ABTB2: variants seen among roughly 807,000 people sequenced by gnomAD.
ABTB2 encodes the protein ankyrin repeat and BTB/POZ domain-containing protein 2.
A neutral mutation model predicts 104.1 loss-of-function variants in ABTB2; 56 were observed. That is an observed-to-expected ratio of 0.54 (90% CI 0.43 to 0.67). The LOEUF (loss-of-function observed/expected upper bound fraction) is 0.67. ABTB2 is among the 30% of genes least tolerant of loss of function. The pLI is 0.00. For synonymous variants in ABTB2, 606 were observed against 608.2 expected (o/e 1.00, Z 0.05); for missense variants, 1,279 against 1,407.7 (o/e 0.91, Z 1.46).
chr11:34,277,624 A>AG (rs1854398325), intron 1 of ABTB2, among the ~76,000 whole-genome samples: 1 of 226 alleles, frequency 4.4e-3, no homozygotes, highest in African/African-American at 0.025. Context: ...CTCTACAAAA[A>AG]TCAAAAATTA....
chr11:34,306,854 CTG>C (rs1236770184), intron 1 of ABTB2, among the ~76,000 whole-genome samples: 1 of 151,950 alleles, frequency 6.6e-6, no homozygotes, highest in African/African-American at 2.4e-5. Flanking sequence ...GGAAATTCTG[CTG>C]TGTGAAAGTT....
intron 1 of ABTB2, among the ~76,000 whole-genome samples, chr11:34,336,604 C>T (rs1027946870): frequency 6.6e-6 from 1 of 151,990 alleles, no homozygotes; most frequent in African/African-American, 2.4e-5. Context: ...GATCGTACCA[C>T]TACACTCCAG....
intron 8 of ABTB2, among the ~76,000 whole-genome samples, 153 bp downstream of exon 8, chr11:34,165,107 G>A (rs973295154): frequency 3.3e-5 from 5 of 152,156 alleles, no homozygotes; most frequent in Non-Finnish European, 7.4e-5. Context: ...GGGGCCAGGG[G>A]AAGCCCCCAG....
At chr11:34,309,845 A>G (rs1854829081) in intron 1 of ABTB2, among the ~76,000 whole-genome samples, 1 of 151,554 alleles carries the variant, frequency 6.6e-6, no homozygotes, top group Admixed American at 6.6e-5. Context: ...AGGCAGTTAA[A>G]GTTATTGATT....
chr11:34,311,803 C>T (rs1564929995), intron 1 of ABTB2, among the ~76,000 whole-genome samples: 1 of 152,202 alleles, frequency 6.6e-6, no homozygotes, highest in South Asian at 2.1e-4. Flanking sequence ...CAATCAACTA[C>T]TACTCTGCTG....
At chr11:34,342,746 A>G (rs1855275989) in intron 1 of ABTB2, among the ~76,000 whole-genome samples, 1 of 152,058 alleles carries the variant, frequency 6.6e-6, no homozygotes, top group African/African-American at 2.4e-5. Context: ...CACATGGTTG[A>G]AGAGTAGAGA....
chr11:34,280,510 C>T (rs149130665), intron 1 of ABTB2, among the ~76,000 whole-genome samples: 2 of 152,164 alleles, frequency 1.3e-5, no homozygotes, highest in Admixed American at 6.5e-5. Flanking sequence ...CCTCCCAGGT[C>T]TGGGAGGCAG....
At chr11:34,171,205 G>C in intron 4 of ABTB2, 134 bp from the exon 5 acceptor site, 1 of 894,698 alleles carries the variant, frequency 1.1e-6, no homozygotes, top group Admixed American at 2.7e-5. Flanking sequence ...GTTATGATCA[G>C]ATCAGCAATT....
chr11:34,356,988 G>A lies in ABTB2; in HGVS notation c.596C>T (p.Ala199Val), dbSNP rs1855474419. The A allele has an allele frequency of 1.3e-6, 2 of 1,587,954 alleles. No homozygotes were observed. The highest frequency in any genetic ancestry group is 1.3e-5 in the African/African-American group (1 of 74,676). Residue 199 changes from alanine to valine, a missense_variant, in exon 1 of 17, where the codon GCG becomes GTG. Physicochemically the swap from Ala to Val is moderately conservative, Grantham distance 64 (BLOSUM62 0). Coordinates refer to ENST00000435224, the MANE Select transcript of ABTB2 (RefSeq NM_145804.3). The surrounding 1 kb of genome is among the most constrained non-coding windows in gnomAD (Gnocchi z 4.6). ...AGDGLRRGKS[A>V]RCGLTFSVGR... The stretch of plus-strand genomic sequence containing the variant: ...CACTGAGAAGGTGAGGCCGCAGCGC[G>A]CGGACTTGCCCCGGCGCAGCCCGTC...
At chr11:34,351,888 T>G (rs1197126219) in intron 1 of ABTB2, among the ~76,000 whole-genome samples, 1 of 152,120 alleles carries the variant, frequency 6.6e-6, no homozygotes, top group Non-Finnish European at 1.5e-5. Context: ...TCTACCTTGT[T>G]CCTCTTACTA....
chr11:34,308,868 C>CAAAAAAAAAAAAAAAAAAAAAAAAAAAA (rs57658114), intron 1 of ABTB2, among the ~76,000 whole-genome samples: 24 of 77,744 alleles, frequency 3.1e-4, no homozygotes, highest in Admixed American at 6.9e-4. Flanking sequence ...GAAACTGTCT[C>CAAAAAAAAAAAAAAAAAAAAAAAAAAAA]AAAAAAAAAA....
At chr11:34,272,367 G>A (rs1205549693) in intron 1 of ABTB2, among the ~76,000 whole-genome samples, 5 of 149,772 alleles carry the variant, frequency 3.3e-5, no homozygotes, top group Admixed American at 6.6e-5. Flanking sequence ...TTCCCCAGAT[G>A]GTTAAATCTC....
At chr11:34,319,895 T>C (rs1188921593) in intron 1 of ABTB2, among the ~76,000 whole-genome samples, 1 of 152,124 alleles carries the variant, frequency 6.6e-6, no homozygotes, top group African/African-American at 2.4e-5. Flanking sequence ...CTCGAACTCC[T>C]GACCTTAGGT....
chr11:34,338,518 G>A (rs571898835), intron 1 of ABTB2, among the ~76,000 whole-genome samples: 14 of 149,780 alleles, frequency 9.3e-5, no homozygotes, highest in Non-Finnish European at 2.1e-4. Context: ...CCAACATGGT[G>A]AAACCCCATC....
At chr11:34,189,232 C>T (rs1853141284) in intron 3 of ABTB2, 1 of 152,198 alleles carries the variant, frequency 6.6e-6, no homozygotes, top group Non-Finnish European at 1.5e-5. Context: ...TACAGATTTC[C>T]TTGTTCCTTC....
chr11:34,236,074 C>T (rs1211867126), intron 1 of ABTB2, among the ~76,000 whole-genome samples: 3 of 152,070 alleles, frequency 2.0e-5, no homozygotes, highest in Non-Finnish European at 4.4e-5. Flanking sequence ...GGTGGGTACA[C>T]CCCTGCAAGG....
intron 1 of ABTB2, chr11:34,335,798 G>C (rs947310013): frequency 2.2e-6 from 3 of 1,358,478 alleles, no homozygotes; most frequent in Non-Finnish European, 3.2e-6. Context: ...TTGAACCTCT[G>C]ATCTTGAGGT....
At chr11:34,230,292 G>A (rs1853752175) in intron 1 of ABTB2, among the ~76,000 whole-genome samples, 1 of 152,206 alleles carries the variant, frequency 6.6e-6, no homozygotes, top group Admixed American at 6.5e-5. Context: ...TTGAAGCTAA[G>A]AAGTTCCCAA....
intron 3 of ABTB2, among the ~76,000 whole-genome samples, chr11:34,196,481 G>C (rs981711017): frequency 1.3e-5 from 2 of 152,210 alleles, no homozygotes; most frequent in African/African-American, 4.8e-5. Flanking sequence ...GTGAACCTTG[G>C]AGGTGGAGCT....
Sources: gnomAD v4.1 joint callset for allele counts (sites outside exome capture counted in the v4.1 genomes callset) on GRCh38, gnomAD v4.1.1 for gene constraint, Gnocchi (gnomAD v3.1) non-coding constraint, MANE v1.5 for transcripts, NCBI Gene and HGNC (gene_info 2026-07-23, HGNC 2026-07-21) for gene names.